Variants in CISD1 observed in about 807,000 individuals in gnomAD.
CISD1 encodes the protein CDGSH iron sulfur domain 1, also known as CDGSH iron-sulfur domain-containing protein 1.
In CISD1, 8 loss-of-function variants were observed where a neutral mutation model predicts 12.0. That is an observed-to-expected ratio of 0.67 (90% CI 0.39 to 1.20). The LOEUF (loss-of-function observed/expected upper bound fraction) is 1.20, where lower values mean the gene tolerates loss of function less well. CISD1 is among the 50% of genes most tolerant of loss of function. The pLI is 0.01. For missense variants in CISD1, 107 were observed against 132.7 expected, an observed-to-expected ratio of 0.81 and a Z score of 0.95; for synonymous variants, 38 against 42.2, an observed-to-expected ratio of 0.90 and a Z score of 0.39.
chr10:58,288,311 T>C lies in CISD1; in HGVS notation c.*661T>C, dbSNP rs894203769. On this transcript the variant is annotated 3_prime_UTR_variant, in exon 3 of 3. Transcript: ENST00000333926. ...AAGATGGATCCATTAAAGGAGCCAA[T>C]AGTGAAAATTTAGTTAAAGGTGATA... is the stretch of plus-strand genomic sequence containing the variant. 3.9e-5 allele frequency: 6 copies of C among 152,316 alleles called. No homozygotes were observed. The highest frequency in any genetic ancestry group is 7.4e-5 in the Non-Finnish European group (5 of 68,012). The allele number at this position is 152,316 out of a possible 1,614,324, so 9.4% of individuals were successfully genotyped here. A position where few individuals can be genotyped will look rare whatever the true frequency, so the allele number is the denominator to read the frequency against.
Position 58,287,698 on chromosome 10 carries a change from T to C in CISD1, c.*48T>C. On this transcript the variant is annotated 3_prime_UTR_variant, in exon 3 of 3. Transcript: ENST00000333926. Reference sequence around the variant, plus strand: ...ATCAGCTTGTCGTGAAGTTACCTGATTGTTTAATTAGAATGACTACCACCT... The same window carrying C: ...ATCAGCTTGTCGTGAAGTTACCTGACTGTTTAATTAGAATGACTACCACCT... 1.6e-6 allele frequency: 2 copies of C among 1,272,048 alleles called. No individual in the cohort carries two copies. Among genetic ancestry groups the C allele is most frequent in the Non-Finnish European group, 2.2e-6 (2 of 894,100 alleles). 78.8% of individuals were successfully genotyped at this position (1,272,048 alleles called of 1,614,324 possible). A position where few individuals can be genotyped will look rare whatever the true frequency, so the allele number is the denominator to read the frequency against.
chr10:58,275,438 T>A (rs1839301699), intron 1 of CISD1, among the ~76,000 whole-genome samples: 1 of 151,680 alleles, frequency 6.6e-6, no homozygotes. Context: ...GCACTAAAGT[T>A]GGAGATAAAT....
chr10:58,269,198 A>C lies in CISD1; in HGVS notation c.-76A>C. On this transcript the variant is annotated 5_prime_UTR_variant, in exon 1 of 3. Transcript: ENST00000333926. ...GTCGGTGCTTTAGTACGCCGCTGGC[A>C]CCTTTACTCTCGCCGGCCGCGCGAA... is the stretch of plus-strand genomic sequence containing the variant. 1.3e-6 allele frequency: 2 copies of C among 1,489,056 alleles called. No homozygotes were observed. Among genetic ancestry groups the C allele is most frequent in the Non-Finnish European group, 1.9e-6 (2 of 1,079,362 alleles). The allele number at this position is 1,489,056 out of a possible 1,614,324, so 92.2% of individuals were successfully genotyped here. A position where few individuals can be genotyped will look rare whatever the true frequency, so the allele number is the denominator to read the frequency against.
chr10:58,271,877 T>C (rs1479165697), intron 1 of CISD1, among the ~76,000 whole-genome samples: 3 of 152,220 alleles, frequency 2.0e-5, no homozygotes, highest in East Asian at 1.9e-4. Context: ...TTGATACCAG[T>C]ATGGTCGATA....
At chr10:58,272,792 A>G (rs192202270) in intron 1 of CISD1, among the ~76,000 whole-genome samples, 2 of 152,128 alleles carry the variant, frequency 1.3e-5, no homozygotes, top group African/African-American at 4.8e-5. Context: ...GGTGGCACGC[A>G]TCTGTAGTCC....
chr10:58,273,522 A>G (rs1839272573), intron 1 of CISD1: 1 of 148,094 alleles, frequency 6.8e-6, no homozygotes, highest in Admixed American at 6.7e-5. Context: ...GTTAAAGCAA[A>G]ATAATGCTCA....
chr10:58,288,119 GC>G lies in CISD1; in HGVS notation c.*471del, dbSNP rs1342893978. 1 of 152,306 alleles carries G rather than the reference GC, an allele frequency of 6.6e-6. No homozygotes were observed. Among genetic ancestry groups the G allele is most frequent in the African/African-American group, 2.4e-5 (1 of 41,406 alleles). 9.4% of individuals were successfully genotyped at this position (152,306 alleles called of 1,614,324 possible). On this transcript the variant is annotated 3_prime_UTR_variant, in exon 3 of 3. Transcript: ENST00000333926. ...TACAATCTAGGAAAGACCTGTTGTA[GC>G]CTTGATTTTCTTGACATTGGTAATG...
chr10:58,269,440 C>T (rs1839214992), intron 1 of CISD1, 136 bp downstream of exon 1: 3 of 779,476 alleles, frequency 3.8e-6, no homozygotes, highest in Non-Finnish European at 6.1e-6. Context: ...GGCAAGCGCT[C>T]GGCCCGGCTG....
intron 2 of CISD1, 144 bp from the exon 3 acceptor site, chr10:58,287,417 G>A: frequency 2.0e-6 from 1 of 499,298 alleles, no homozygotes; most frequent in Non-Finnish European, 3.6e-6. Context: ...AGCATATGTA[G>A]TTTACATATG....
At chr10:58,269,527 C>A (rs1344176860) in intron 1 of CISD1, among the ~76,000 whole-genome samples, 1 of 152,216 alleles carries the variant, frequency 6.6e-6, no homozygotes. Flanking sequence ...GGACCAGAGT[C>A]CACGTTTACC....
intron 2 of CISD1, among the ~76,000 whole-genome samples, chr10:58,286,313 A>G (rs1839429566): frequency 6.6e-6 from 1 of 152,210 alleles, no homozygotes; most frequent in Admixed American, 6.5e-5. Context: ...CGATCAACGT[A>G]ACATAGAACC....
chr10:58,277,721 G>A (rs1839331855), intron 2 of CISD1, among the ~76,000 whole-genome samples: 1 of 150,762 alleles, frequency 6.6e-6, no homozygotes, highest in Non-Finnish European at 1.5e-5. Flanking sequence ...CCCTCATCGA[G>A]TTCAGGCAGA....
At chr10:58,286,209 A>C (rs1265455790) in intron 2 of CISD1, among the ~76,000 whole-genome samples, 2 of 151,698 alleles carry the variant, frequency 1.3e-5, no homozygotes, top group Non-Finnish European at 2.9e-5. Context: ...CGTTTCAAAA[A>C]AAAAAAAAAA....
intron 2 of CISD1, among the ~76,000 whole-genome samples, chr10:58,286,358 T>C (rs1050428511): frequency 6.6e-6 from 1 of 152,178 alleles, no homozygotes; most frequent in Admixed American, 6.5e-5. Flanking sequence ...GAATTTATTT[T>C]GATAAAGTTA....
chr10:58,274,776 C>T (rs940234775), intron 1 of CISD1, among the ~76,000 whole-genome samples: 2 of 151,774 alleles, frequency 1.3e-5, no homozygotes, highest in African/African-American at 2.4e-5. Context: ...GTTATTCTGT[C>T]CTGTCTCCCA....
chr10:58,272,741 AC>A (rs555718222), intron 1 of CISD1, among the ~76,000 whole-genome samples: 202 of 152,194 alleles, frequency 1.3e-3, no homozygotes, highest in African/African-American at 4.6e-3. Context: ...ACATGGTGAA[AC>A]CCCCGTCTCT....
At chr10:58,287,468 T>C (rs1202788429) in intron 2 of CISD1, 93 bp from the exon 3 acceptor site, 4 of 795,156 alleles carry the variant, frequency 5.0e-6, no homozygotes, top group Non-Finnish European at 7.8e-6. Flanking sequence ...AGAAAATCTT[T>C]ATGTTATATG....
chr10:58,277,057 G>A (rs1839322547), intron 1 of CISD1, 60 bp from the exon 2 acceptor site: 1 of 1,201,270 alleles, frequency 8.3e-7, no homozygotes, highest in Non-Finnish European at 1.2e-6. Context: ...TGACATGCAT[G>A]TGATATTATT....
At chr10:58,287,507 G>A (rs41307579) in intron 2 of CISD1, 54 bp from the exon 3 acceptor site, 42,727 of 1,312,278 alleles carry the variant, frequency 0.033, 854 homozygotes, top group Middle Eastern at 0.046. Context: ...ACTCTGCCGA[G>A]CATAATACTG....
Sources: allele counts gnomAD v4.1 joint callset (sites outside exome capture counted in the v4.1 genomes callset), GRCh38; gene constraint gnomAD v4.1.1; transcripts MANE v1.5; gene names NCBI Gene and HGNC (gene_info 2026-07-23, HGNC 2026-07-21).